Variants in NMT2 observed in about 807,000 individuals in gnomAD.
NMT2 encodes glycylpeptide N-tetradecanoyltransferase 2.
Under a neutral mutation model 65.4 loss-of-function variants are expected in NMT2, and 35 were observed. The observed-to-expected ratio is 0.54, with a 90% CI of 0.41 to 0.71. The LOEUF (loss-of-function observed/expected upper bound fraction) is 0.71. NMT2 is among the 30% of genes least tolerant of loss of function. The pLI is 0.00. For synonymous variants in NMT2, 226 were observed against 231.8 expected (o/e 0.98, Z 0.23); for missense variants, 489 against 611.3 (o/e 0.80, Z 2.11).
intron 1 of NMT2, among the ~76,000 whole-genome samples, chr10:15,165,676 G>A (rs141830029): frequency 4.6e-5 from 7 of 152,092 alleles, no homozygotes; most frequent in African/African-American, 7.2e-5. Context: ...TCAGAAGTTC[G>A]AGACCAGCCT....
intron 10 of NMT2, among the ~76,000 whole-genome samples, chr10:15,112,180 A>ATATAT (rs1845545122): frequency 1.4e-4 from 1 of 7,186 alleles, no homozygotes; most frequent in African/African-American, 6.3e-4. Flanking sequence ...GGCTTTATAT[A>ATATAT]TATATATATA....
chr10:15,118,010 G>A (rs1255704016), intron 9 of NMT2, among the ~76,000 whole-genome samples: 1 of 152,100 alleles, frequency 6.6e-6, no homozygotes, highest in East Asian at 1.9e-4. Flanking sequence ...GCAAAAATAA[G>A]CTTATTCTAA....
chr10:15,132,402 C>T (rs1401686282), intron 6 of NMT2, among the ~76,000 whole-genome samples: 1 of 152,068 alleles, frequency 6.6e-6, no homozygotes, highest in African/African-American at 2.4e-5. Context: ...GATCACCGGA[C>T]AGCTTGCATT....
intron 1 of NMT2, among the ~76,000 whole-genome samples, chr10:15,165,120 A>G (rs370598616): frequency 4.7e-4 from 71 of 151,566 alleles, no homozygotes; most frequent in African/African-American, 1.6e-3. Flanking sequence ...CCAAGATCGT[A>G]CTATTGCACT....
At position 15,127,559 on chromosome 10, in the gene NMT2, A is replaced by AAT. The variant is rs1554822273; in HGVS notation, c.999+790_999+791insAT. ...GAGACTCCGTCTCAAAAAAAAAAAA[A>AAT]AAAAAAAAAAATAAATAAATAAATA... On this transcript the variant is annotated intron_variant, in intron 8 of 11. Transcript: ENST00000378165. 1.9e-3 allele frequency among the ~76,000 whole-genome samples: 182 copies of AAT among 98,104 alleles called. 12 individuals carry two copies. The highest frequency in any genetic ancestry group is 0.011 in the African/African-American group (123 of 11,290). The allele number at this position is 98,104 out of a possible 152,430, so 64.4% of individuals were successfully genotyped here.
At chr10:15,123,986 T>C (rs760943214) in intron 8 of NMT2, among the ~76,000 whole-genome samples, 20 of 152,210 alleles carry the variant, frequency 1.3e-4, no homozygotes, top group Non-Finnish European at 2.5e-4. Context: ...GTTATTTATA[T>C]GATTCAAAAA....
intron 1 of NMT2, among the ~76,000 whole-genome samples, chr10:15,163,325 G>A (rs1833264770): frequency 6.6e-6 from 1 of 152,192 alleles, no homozygotes; most frequent in South Asian, 2.1e-4. Flanking sequence ...TTAAAATAAA[G>A]TGATTTTAAC....
At chr10:15,124,971 C>T (rs1387823715) in intron 8 of NMT2, among the ~76,000 whole-genome samples, 1 of 152,134 alleles carries the variant, frequency 6.6e-6, no homozygotes, top group Non-Finnish European at 1.5e-5. Flanking sequence ...GTGAGACATT[C>T]AGTGGGGCTG....
rs2131630426 is a variant in NMT2, at chr10:15,160,674, T to C, written c.110+7829A>G. ...CTATAATCCTGCCTACTTGGGAGGC[T>C]GAGGCAGGAGAATCGCTTGAACCTG... On this transcript the variant is annotated intron_variant, in intron 1 of 11. Coordinates refer to ENST00000378165, the MANE Select transcript of NMT2 (RefSeq NM_004808.3). Among the ~76,000 whole-genome samples the C allele has an allele frequency of 1.3e-5, 2 of 152,128 alleles. 1 individual carries two copies. Among genetic ancestry groups the C allele is most frequent in the African/African-American group, 4.8e-5 (2 of 41,478 alleles).
intron 10 of NMT2, among the ~76,000 whole-genome samples, chr10:15,112,528 C>T (rs1460945354): frequency 6.6e-6 from 1 of 151,648 alleles, no homozygotes; most frequent in Non-Finnish European, 1.5e-5. Flanking sequence ...CATGCCCAGC[C>T]TTATATATTC....
At chr10:15,152,031 CA>C (rs372586706) in intron 1 of NMT2, among the ~76,000 whole-genome samples, 58 of 152,126 alleles carry the variant, frequency 3.8e-4, no homozygotes, top group African/African-American at 1.3e-3. Flanking sequence ...GTCTCAAAAA[CA>C]AAAACAAAAC....
chr10:15,152,271 G>A (rs1017644812), intron 1 of NMT2, among the ~76,000 whole-genome samples: 4 of 152,182 alleles, frequency 2.6e-5, no homozygotes, highest in African/African-American at 9.6e-5. Context: ...AAAAGGAAAT[G>A]CACCTCCCAG....
At chr10:15,146,358 G>A (rs970870496) in intron 1 of NMT2, among the ~76,000 whole-genome samples, 1 of 152,232 alleles carries the variant, frequency 6.6e-6, no homozygotes, top group Admixed American at 6.5e-5. Flanking sequence ...CAATGTAACA[G>A]AGCCATGTAA....
At chr10:15,137,108 C>T (rs1303849146) in intron 2 of NMT2, among the ~76,000 whole-genome samples, 1 of 152,156 alleles carries the variant, frequency 6.6e-6, no homozygotes, top group African/African-American at 2.4e-5. Flanking sequence ...AGTTTATAAA[C>T]AGCAACTTTG....
chr10:15,130,683 A>C (rs1477218693), intron 6 of NMT2, among the ~76,000 whole-genome samples: 5 of 147,298 alleles, frequency 3.4e-5, no homozygotes, highest in African/African-American at 1.3e-4. Context: ...CAGCCTGGAC[A>C]ACAGAGCAAG....
chr10:15,133,348 G>T lies in NMT2; in HGVS notation c.407C>A (p.Ser136Tyr). ...TTTATCTGGTTCAATTGCACCATGA[G>T]ATGTTATGACTTCATCTGAACAGGG... ...PVPKLDEVIT[S>Y]HGAIEPDKDN... Residue 136 changes from serine to tyrosine, a missense_variant, in exon 4 of 12, where the codon TCT becomes TAT. Transcript: ENST00000378165. The T allele has an allele frequency of 6.2e-7, 1 of 1,611,814 alleles. No homozygotes were observed. Among genetic ancestry groups the T allele is most frequent in the Non-Finnish European group, 8.5e-7 (1 of 1,177,882 alleles).
chr10:15,141,475 T>G lies in NMT2; in HGVS notation c.193A>C (p.Lys65Gln). 1.9e-6 allele frequency: 3 copies of G among 1,614,246 alleles called. No homozygotes were observed. The highest frequency in any genetic ancestry group is 1.7e-6 in the Non-Finnish European group (2 of 1,180,046). ...TGGGAATCAGATGCCGAGTCTGACT[T>G]GGTGCCTCCGGAATTTGGTTTCTCC... ...KKEKPNSGGT[K>Q]SDSASDSQEI... The change falls in exon 2 of 12, where the codon AAG (lysine) becomes CAG (glutamine). Residue 65 changes from lysine to glutamine, a missense_variant. Physicochemically the swap from Lys to Gln is moderately conservative, Grantham distance 53. Transcript: ENST00000378165.
rs1290829026 is a variant in NMT2 at position 15,106,681 on chromosome 10, C to A, written c.*2514G>T. On this transcript the variant is annotated 3_prime_UTR_variant, in exon 12 of 12. Transcript: ENST00000378165. ...GAGAGTTCCAACTCCTTCGTAGTGACCAAGGTCAACAAACTTTCTGTAAAA... is the reference window on the plus strand; with the variant it reads ...GAGAGTTCCAACTCCTTCGTAGTGAACAAGGTCAACAAACTTTCTGTAAAA... 1.0e-6 allele frequency: 1 copy of A among 984,572 alleles called. No individual in the cohort carries two copies. The highest frequency in any genetic ancestry group is 1.2e-6 in the Non-Finnish European group (1 of 829,310). The allele number at this position is 984,572 out of a possible 1,614,324, so 61.0% of individuals were successfully genotyped here. A position where few individuals can be genotyped will look rare whatever the true frequency, so the allele number is the denominator to read the frequency against.
rs535946534 is a variant in NMT2, at chr10:15,119,818, A to G, written c.1000-305T>C. ...TTGGTCACTACTGCCCATGACCCAA[A>G]CAAACATCAAAGGGAACAGTACAAG... On this transcript the variant is annotated intron_variant, in intron 8 of 11. Transcript: ENST00000378165. Among the ~76,000 whole-genome samples, 3 of 152,326 alleles carry G rather than the reference A, an allele frequency of 2.0e-5. No homozygotes were observed. In the East Asian group the frequency reaches 5.8e-4, roughly 29 times the overall value.
Sources: allele counts gnomAD v4.1 joint callset (sites outside exome capture counted in the v4.1 genomes callset), GRCh38; gene constraint gnomAD v4.1.1; transcripts MANE v1.5; gene names NCBI Gene and HGNC (gene_info 2026-07-23, HGNC 2026-07-21).